Variants in PCDH15 observed in about 807,000 individuals in gnomAD.
The protein encoded by PCDH15 is protocadherin-15.
PCDH15 carries 129 observed loss-of-function variants against 178.5 expected under a neutral mutation model. That is an observed-to-expected ratio of 0.72 (90% CI 0.63 to 0.84). The LOEUF (loss-of-function observed/expected upper bound fraction) is 0.84, where lower values mean the gene tolerates loss of function less well. PCDH15 is among the 40% of genes least tolerant of loss of function. The probability of loss-of-function intolerance (pLI) is 0.00; values close to 1 mark genes in which losing one functional copy is unlikely to be tolerated. For synonymous variants in PCDH15, 800 were observed against 732.0 expected (o/e 1.09, Z -1.50); for missense variants, 2,230 against 2,099.9 (o/e 1.06, Z -1.21).
At chr10:53,975,123 T>C (rs2090080331) in intron 21 of PCDH15, among the ~76,000 whole-genome samples, 1 of 152,226 alleles carries the variant, frequency 6.6e-6, no homozygotes, top group South Asian at 2.1e-4. Flanking sequence ...TCATTCTTTT[T>C]TATGTTTGCA....
intron 20 of PCDH15, among the ~76,000 whole-genome samples, chr10:54,004,216 C>T (rs10825190): frequency 0.23 from 35,238 of 151,780 alleles, 4,412 homozygotes; most frequent in East Asian, 0.46. Context: ...CTTTCCTGTA[C>T]GATCTGGGAC....
chr10:55,541,209 C>A (rs1217610613), intron 2 of PCDH15, among the ~76,000 whole-genome samples: 1 of 151,892 alleles, frequency 6.6e-6, no homozygotes, highest in Non-Finnish European at 1.5e-5. Flanking sequence ...TTGAATCATT[C>A]TTCATGGAAA....
chr10:54,969,256 A>C (rs1228099605), intron 2 of PCDH15, among the ~76,000 whole-genome samples: 1 of 152,140 alleles, frequency 6.6e-6, no homozygotes, highest in African/African-American at 2.4e-5. Flanking sequence ...ACTTGGAAGC[A>C]GTGTGATCCT....
chr10:54,659,700 G>T (rs2094460554), intron 2 of PCDH15, among the ~76,000 whole-genome samples: 1 of 151,268 alleles, frequency 6.6e-6, no homozygotes, highest in Admixed American at 6.6e-5. Flanking sequence ...GTTGCAGTGA[G>T]CTGAGATAGC....
intron 4 of PCDH15, among the ~76,000 whole-genome samples, chr10:54,372,914 T>C (rs960711997): frequency 8.6e-5 from 13 of 151,802 alleles, no homozygotes; most frequent in African/African-American, 3.1e-4. Flanking sequence ...TCAGGAATGA[T>C]ATATATCAAC....
chr10:54,819,287 T>C (rs969161976), intron 3 of PCDH15, among the ~76,000 whole-genome samples: 4 of 152,080 alleles, frequency 2.6e-5, no homozygotes, highest in African/African-American at 9.7e-5. Context: ...TAATATTTAA[T>C]TAGTGTATCT....
intron 8 of PCDH15, among the ~76,000 whole-genome samples, chr10:54,256,318 T>C (rs1307490093): frequency 6.6e-5 from 10 of 152,176 alleles, no homozygotes; most frequent in Non-Finnish European, 1.3e-4. Context: ...AATAAATAAG[T>C]TAACTTTTAA....
intron 1 of PCDH15, among the ~76,000 whole-genome samples, chr10:54,719,816 T>G (rs1328236302): frequency 6.6e-6 from 1 of 152,114 alleles, no homozygotes; most frequent in African/African-American, 2.4e-5. Flanking sequence ...CTGAGGATGA[T>G]GGCTTCCAGC....
chr10:54,909,754 G>A (rs1243220399), intron 2 of PCDH15, among the ~76,000 whole-genome samples: 1 of 152,070 alleles, frequency 6.6e-6, no homozygotes, highest in Admixed American at 6.6e-5. Context: ...AGTTGCTCCT[G>A]GGGAGCAGAC....
In PCDH15 at chr10:55,608,993, A is replaced by C. The variant is rs1461824579; in HGVS notation, c.-156+18632T>G. Among the ~76,000 whole-genome samples the C allele has an allele frequency of 2.8e-5, 4 of 145,250 alleles. No individual in the cohort carries two copies. The Admixed American group carries it at 2.9e-4, about 10-fold the overall frequency. ...TCCAAAAGCGATTGTCTATGGGACT[A>C]TACATATATGTTATATATATATACA... On this transcript the variant is annotated intron_variant, in intron 2 of 5. Coordinates refer to the PCDH15 transcript ENST00000613346.
intron 17 of PCDH15, among the ~76,000 whole-genome samples, chr10:54,071,405 C>G (rs1034707638): frequency 6.6e-6 from 1 of 152,014 alleles, no homozygotes; most frequent in African/African-American, 2.4e-5. Context: ...ATTTAATAAG[C>G]AATTTTGGCT....
chr10:54,337,078 CT>C (rs1941316885), intron 6 of PCDH15, among the ~76,000 whole-genome samples: 1 of 151,190 alleles, frequency 6.6e-6, no homozygotes, highest in Non-Finnish European at 1.5e-5. Flanking sequence ...CCTTTAGACC[CT>C]TTGTTTTTGC....
At chr10:54,339,956 T>C (rs553854526) in intron 6 of PCDH15, among the ~76,000 whole-genome samples, 2 of 152,182 alleles carry the variant, frequency 1.3e-5, no homozygotes, top group Non-Finnish European at 2.9e-5. Flanking sequence ...TTGCCCATGC[T>C]TTATTTTTAG....
chr10:55,443,769 C>A (rs1285589325), intron 2 of PCDH15, among the ~76,000 whole-genome samples: 1 of 152,086 alleles, frequency 6.6e-6, no homozygotes, highest in Non-Finnish European at 1.5e-5. Context: ...TTTGACCCAG[C>A]AATTCCATTA....
chr10:54,508,437 T>C (rs1352440135), intron 3 of PCDH15, among the ~76,000 whole-genome samples: 3 of 152,054 alleles, frequency 2.0e-5, no homozygotes, highest in African/African-American at 7.2e-5. Flanking sequence ...AATAAACCCA[T>C]CATAAGTTAA....
chr10:55,263,953 C>T (rs181224844), intron 1 of PCDH15, among the ~76,000 whole-genome samples: 1 of 151,148 alleles, frequency 6.6e-6, no homozygotes, highest in African/African-American at 2.4e-5. Flanking sequence ...CCAGGATGGT[C>T]TCGATCTCCG....
intron 3 of PCDH15, among the ~76,000 whole-genome samples, chr10:54,409,139 T>C (rs1953111356): frequency 6.6e-6 from 1 of 152,170 alleles, no homozygotes; most frequent in Non-Finnish European, 1.5e-5. Context: ...ACATGTATTT[T>C]GCGTTTTGCC....
intron 2 of PCDH15, among the ~76,000 whole-genome samples, chr10:54,576,948 ATT>A (rs11318409): frequency 6.6e-6 from 1 of 152,026 alleles, no homozygotes; most frequent in Non-Finnish European, 1.5e-5. Context: ...CCACCAAGTT[ATT>A]TTTTTTTACT....
chr10:55,603,290 G>A (rs1843129927), intron 2 of PCDH15, among the ~76,000 whole-genome samples: 1 of 150,772 alleles, frequency 6.6e-6, no homozygotes, highest in Admixed American at 6.6e-5. Flanking sequence ...AAAGTGATGG[G>A]GAGAATGGAA....
Sources: gnomAD v4.1 joint callset for allele counts (sites outside exome capture counted in the v4.1 genomes callset) on GRCh38, gnomAD v4.1.1 for gene constraint, MANE v1.5 for transcripts, NCBI Gene and HGNC (gene_info 2026-07-23, HGNC 2026-07-21) for gene names.